The following SORCS1 variants were observed in gnomAD, a reference collection of about 807,000 sequenced individuals.
SORCS1 encodes VPS10 domain-containing receptor SorCS1.
In SORCS1, 60 loss-of-function variants were observed where a neutral mutation model predicts 146.1. The ratio of observed to expected loss-of-function variants is 0.41; its 90% CI spans 0.33 to 0.51. The LOEUF (loss-of-function observed/expected upper bound fraction) is 0.51, where lower values mean the gene tolerates loss of function less well. Among genes scored for constraint, SORCS1 ranks in the 20% least tolerant of loss-of-function variants. The probability of loss-of-function intolerance (pLI) is 0.21; values close to 1 mark genes in which losing one functional copy is unlikely to be tolerated. For synonymous variants in SORCS1, 637 were observed against 584.0 expected, an observed-to-expected ratio of 1.09 and a Z score of -1.31; for missense variants, 1,352 against 1,487.6, an observed-to-expected ratio of 0.91 and a Z score of 1.50.
intron 2 of SORCS1, among the ~76,000 whole-genome samples, chr10:106,836,405 C>A (rs1460070047): frequency 7.0e-6 from 1 of 142,368 alleles, no homozygotes; most frequent in Non-Finnish European, 1.5e-5. Flanking sequence ...ACCCAGGAGG[C>A]GGAGCTTTGC....
intron 3 of SORCS1, among the ~76,000 whole-genome samples, chr10:106,801,181 T>G (rs2136643464): frequency 6.6e-6 from 1 of 152,318 alleles, no homozygotes; most frequent in Non-Finnish European, 1.5e-5. Context: ...TATGAACACC[T>G]AATTTTCACA....
intron 2 of SORCS1, among the ~76,000 whole-genome samples, chr10:106,838,309 C>G (rs940083233): frequency 1.4e-4 from 21 of 152,090 alleles, no homozygotes; most frequent in African/African-American, 4.8e-4. Context: ...AGGTCCACAG[C>G]AAAACAGAGT....
intron 2 of SORCS1, among the ~76,000 whole-genome samples, chr10:106,907,462 A>G (rs1292916968): frequency 2.0e-5 from 3 of 152,202 alleles, no homozygotes; most frequent in Non-Finnish European, 4.4e-5. Flanking sequence ...ATATACCTAA[A>G]GATTAACAGT....
At chr10:106,831,249 T>C (rs1411303884) in intron 2 of SORCS1, among the ~76,000 whole-genome samples, 2 of 152,032 alleles carry the variant, frequency 1.3e-5, no homozygotes, top group Non-Finnish European at 2.9e-5. Flanking sequence ...TAAAATGATA[T>C]AAAATTTCCT....
intron 6 of SORCS1, among the ~76,000 whole-genome samples, chr10:106,721,712 A>G (rs1357994882): frequency 6.6e-6 from 1 of 152,202 alleles, no homozygotes; most frequent in African/African-American, 2.4e-5. Context: ...AATGTATATA[A>G]TCTCTGACCC....
chr10:106,948,207 G>GA (rs1007967936), intron 2 of SORCS1, among the ~76,000 whole-genome samples: 4 of 148,798 alleles, frequency 2.7e-5, no homozygotes, highest in African/African-American at 7.4e-5. Flanking sequence ...GATATGAAGA[G>GA]AAAAAAAACA....
chr10:106,843,126 T>C (rs1949125760), intron 2 of SORCS1, among the ~76,000 whole-genome samples: 1 of 152,220 alleles, frequency 6.6e-6, no homozygotes, highest in Admixed American at 6.5e-5. Context: ...AACACTTGAG[T>C]TCTCTAGGAG....
At chr10:106,759,855 T>C (rs1281707252) in intron 5 of SORCS1, among the ~76,000 whole-genome samples, 1 of 152,198 alleles carries the variant, frequency 6.6e-6, no homozygotes, top group Non-Finnish European at 1.5e-5. Flanking sequence ...CCAATCTATA[T>C]TTTTAGAGCA....
At chr10:107,026,535 G>A (rs1051930873) in intron 1 of SORCS1, among the ~76,000 whole-genome samples, 11 of 151,920 alleles carry the variant, frequency 7.2e-5, no homozygotes, top group African/African-American at 2.4e-4. Flanking sequence ...GGAGAATGGC[G>A]TGAACCCAGG....
At chr10:107,130,461 T>G (rs993199021) in intron 1 of SORCS1, among the ~76,000 whole-genome samples, 8 of 152,180 alleles carry the variant, frequency 5.3e-5, no homozygotes, top group Non-Finnish European at 1.2e-4. Context: ...TATTAAATGA[T>G]TAATCAAAAA....
At chr10:106,945,076 C>A (rs547659653) in intron 2 of SORCS1, among the ~76,000 whole-genome samples, 1 of 151,430 alleles carries the variant, frequency 6.6e-6, no homozygotes, top group Non-Finnish European at 1.5e-5. Flanking sequence ...TTAGTAGAGA[C>A]AAGGTTTCAC....
intron 1 of SORCS1, among the ~76,000 whole-genome samples, chr10:107,086,074 G>C (rs1262656785): frequency 6.6e-6 from 1 of 152,208 alleles, no homozygotes; most frequent in African/African-American, 2.4e-5. Flanking sequence ...TTTTCACAGT[G>C]GAGAGAATTC....
chr10:107,005,249 A>G (rs984034499), intron 1 of SORCS1, among the ~76,000 whole-genome samples: 1 of 151,272 alleles, frequency 6.6e-6, no homozygotes, highest in Non-Finnish European at 1.5e-5. Flanking sequence ...ACTTGAGCCC[A>G]AGAGTTTGAA....
At chr10:106,743,761 C>T (rs1857519414) in intron 5 of SORCS1, among the ~76,000 whole-genome samples, 1 of 152,118 alleles carries the variant, frequency 6.6e-6, no homozygotes, top group African/African-American at 2.4e-5. Flanking sequence ...TTAAAAATAA[C>T]ACCGCTGTGA....
chr10:106,967,827 G>A (rs1955570385), intron 1 of SORCS1, among the ~76,000 whole-genome samples: 1 of 151,846 alleles, frequency 6.6e-6, no homozygotes, highest in African/African-American at 2.4e-5. Flanking sequence ...CACAGAAAAT[G>A]CACAGAATTC....
intron 1 of SORCS1, among the ~76,000 whole-genome samples, chr10:107,066,736 T>TA (rs927089412): frequency 1.3e-5 from 2 of 152,274 alleles, no homozygotes; most frequent in Non-Finnish European, 1.5e-5. Flanking sequence ...CTGAGTTCTC[T>TA]AAAAAAAGAT....
At chr10:106,687,030 C>T (rs1372125712) in intron 10 of SORCS1, among the ~76,000 whole-genome samples, 1 of 152,214 alleles carries the variant, frequency 6.6e-6, no homozygotes, top group East Asian at 1.9e-4. Context: ...ACACAATCAG[C>T]TGTCCTTTTT....
intron 24 of SORCS1, among the ~76,000 whole-genome samples, chr10:106,596,247 C>T (rs886577006): frequency 1.3e-5 from 2 of 152,172 alleles, no homozygotes; most frequent in African/African-American, 4.8e-5. Context: ...AGTACCACTG[C>T]CATTGCTACA....
intron 17 of SORCS1, among the ~76,000 whole-genome samples, chr10:106,658,851 T>C (rs1850505022): frequency 6.6e-6 from 1 of 152,172 alleles, no homozygotes; most frequent in Non-Finnish European, 1.5e-5. Flanking sequence ...AGAAACTGCT[T>C]CTGAAAAAGC....
Sources: allele counts gnomAD v4.1 joint callset (sites outside exome capture counted in the v4.1 genomes callset), GRCh38; gene constraint gnomAD v4.1.1; transcripts MANE v1.5; gene names NCBI Gene and HGNC (gene_info 2026-07-23, HGNC 2026-07-21).